Variants in A2ML1 observed in about 807,000 individuals in gnomAD.
The protein encoded by A2ML1 is alpha-2-macroglobulin like 1.
Under a neutral mutation model 181.9 loss-of-function variants are expected in A2ML1, and 161 were observed. That is an observed-to-expected ratio of 0.89 (90% CI 0.78 to 1.01). The LOEUF is 1.01. Ranked by LOEUF, A2ML1 falls within the 50% of genes least tolerant of loss-of-function variation. The pLI is 0.00. For missense variants in A2ML1, 1,670 were observed against 1,768.1 expected (o/e 0.94, Z 1.00); for synonymous variants, 663 against 666.8 (o/e 0.99, Z 0.09).
rs1943552763 is a variant in A2ML1, at chr12:8,843,276, G to A, written c.1391G>A (p.Cys464Tyr). 1.9e-6 allele frequency: 3 copies of A among 1,614,216 alleles called. No homozygotes were observed. Among genetic ancestry groups the A allele is most frequent in the Non-Finnish European group, 1.7e-6 (2 of 1,180,038 alleles). ...CACCGGCTAAACGGCCCCTTGAAAT[G>A]TGGCCAGCCCCAGGAAGTGCTGGTG... ...GIHRLNGPLKCGQPQEVLVDY... is the reference protein window; with the variant it reads ...GIHRLNGPLKYGQPQEVLVDY... The change falls in exon 12 of 36, where the codon TGT becomes TAT. Residue 464 changes from cysteine (C) to tyrosine (Y), a missense_variant. By Grantham distance (194) the Cys-to-Tyr change is radical (BLOSUM62 -2). Coordinates refer to ENST00000299698, the MANE Select transcript of A2ML1 (RefSeq NM_144670.6).
At chr12:8,869,044 A>G in intron 32 of A2ML1, 91 bp from the exon 33 acceptor site, 1 of 1,270,580 alleles carries the variant, frequency 7.9e-7, no homozygotes. Flanking sequence ...CACAGTATAT[A>G]TTGTTTCCTT....
intron 7 of A2ML1, among the ~76,000 whole-genome samples, chr12:8,882,447 C>T (rs1020341859): frequency 6.6e-6 from 1 of 152,136 alleles, no homozygotes; most frequent in Non-Finnish European, 1.5e-5. Context: ...AAATATGTCA[C>T]ATTTGGAGCA....
At chr12:8,868,385 G>T in intron 31 of A2ML1, 28 bp downstream of exon 31, 1 of 1,608,380 alleles carries the variant, frequency 6.2e-7, no homozygotes, top group South Asian at 1.1e-5. Context: ...GCTGGTGGCC[G>T]GCAGAGCACC....
At chr12:8,869,787 A>G (rs1269313527) in intron 33 of A2ML1, among the ~76,000 whole-genome samples, 1 of 152,168 alleles carries the variant, frequency 6.6e-6, no homozygotes, top group Non-Finnish European at 1.5e-5. Flanking sequence ...GTAACTGGAC[A>G]AGCTGTTGAA....
rs138407371 is a variant in A2ML1, at chr12:8,823,442, A to G, written c.246+77A>G. On this transcript the variant is annotated intron_variant, in intron 2 of 35. Transcript: ENST00000299698. ...CCTAGGCTCACTATAATCTACTTTA[A>G]GTATAATTTCTGTTATCTTTTGCCA... is the stretch of plus-strand genomic sequence containing the variant. 413 of 1,453,610 alleles carry G rather than the reference A, an allele frequency of 2.8e-4. No individual in the cohort carries two copies. In the African/African-American group the frequency reaches 5.1e-3, roughly 18 times the overall value. 90.0% of individuals were successfully genotyped at this position (1,453,610 alleles called of 1,614,324 possible).
intron 3 of A2ML1, among the ~76,000 whole-genome samples, chr12:8,825,558 T>G (rs754547303): frequency 1.4e-4 from 21 of 152,206 alleles, no homozygotes; most frequent in Non-Finnish European, 2.9e-4. Context: ...GTCTCTTTGT[T>G]GATTGTTTCC....
chr12:8,861,390 C>T (rs1343752895), intron 28 of A2ML1, 93 bp downstream of exon 28: 2 of 1,387,822 alleles, frequency 1.4e-6, no homozygotes, highest in Non-Finnish European at 2.0e-6. Context: ...CACACATGTA[C>T]TCTAGGATTC....
intron 7 of A2ML1, among the ~76,000 whole-genome samples, chr12:8,882,069 A>G (rs1401007156): frequency 6.6e-6 from 1 of 152,086 alleles, no homozygotes; most frequent in Non-Finnish European, 1.5e-5. Context: ...AGATGTTGAG[A>G]TAGTGGGATA....
chr12:8,883,540 C>T (rs375293237), intron 7 of A2ML1, among the ~76,000 whole-genome samples: 1 of 152,000 alleles, frequency 6.6e-6, no homozygotes, highest in African/African-American at 2.4e-5. Context: ...TGCAATGGCA[C>T]GATCTTGGCT....
chr12:8,838,998 C>A, intron 9 of A2ML1, 115 bp from the exon 10 acceptor site: 3 of 644,684 alleles, frequency 4.7e-6, no homozygotes, highest in Non-Finnish European at 5.1e-6. Context: ...GATCTTTGGC[C>A]AGAAATACAT....
chr12:8,854,694 C>T (rs1052422546), intron 21 of A2ML1, 86 bp from the exon 22 acceptor site: 9 of 1,465,732 alleles, frequency 6.1e-6, no homozygotes, highest in Middle Eastern at 4.0e-4. Flanking sequence ...GGGGGCACAG[C>T]GAGGGGCCTC....
downstream of A2ML1, among the ~76,000 whole-genome samples, chr12:8,881,440 G>A (rs73047859): frequency 0.03 from 4,580 of 152,296 alleles, 95 homozygotes; most frequent in Non-Finnish European, 0.049. Flanking sequence ...ATTTGTTTAC[G>A]CAGATTCAAG....
chr12:8,824,291 A>C (rs2136701290), intron 3 of A2ML1, among the ~76,000 whole-genome samples: 1 of 129,350 alleles, frequency 7.7e-6, no homozygotes, highest in East Asian at 2.3e-4. Flanking sequence ...TCATTCTGAG[A>C]TTTCAAAGTC....
downstream of A2ML1, among the ~76,000 whole-genome samples, chr12:8,878,534 C>CTACATTCAGG: frequency 6.6e-6 from 1 of 152,258 alleles, no homozygotes; most frequent in East Asian, 1.9e-4. The surrounding 1 kb of genome is among the most constrained non-coding windows in gnomAD (Gnocchi z 4.4). Context: ...GAGTTGAAAC[C>CTACATTCAGG]TACATTCAGG....
chr12:8,865,332 G>A (rs1944389389), intron 29 of A2ML1, among the ~76,000 whole-genome samples: 1 of 151,022 alleles, frequency 6.6e-6, no homozygotes, highest in Non-Finnish European at 1.5e-5. Flanking sequence ...CTGAGGTCGG[G>A]AGTTCGAGAC....
intron 22 of A2ML1, 46 bp from the exon 23 acceptor site, chr12:8,855,463 C>T: frequency 6.3e-7 from 1 of 1,586,566 alleles, no homozygotes; most frequent in Non-Finnish European, 8.6e-7. Context: ...GAACCCCTGC[C>T]ATTCCCCATC....
chr12:8,875,174 T>C (rs1439544978), intron 35 of A2ML1, among the ~76,000 whole-genome samples, 162 bp downstream of exon 35: 1 of 151,944 alleles, frequency 6.6e-6, no homozygotes, highest in East Asian at 1.9e-4. Context: ...ACTTCCCAGC[T>C]TCAAGCGATT....
intron 5 of A2ML1, chr12:8,834,914 T>G (rs1270281898): frequency 1.8e-6 from 1 of 558,102 alleles, no homozygotes; most frequent in East Asian, 3.0e-5. Context: ...CTGTAATGAC[T>G]ACACCGCTCT....
chr12:8,883,960 A>G (rs748085032), intron 7 of A2ML1, among the ~76,000 whole-genome samples: 47 of 151,712 alleles, frequency 3.1e-4, no homozygotes, highest in African/African-American at 1.0e-3. Flanking sequence ...TAATTTTTGT[A>G]TGTTTAGTAG....
Sources: gnomAD v4.1 joint callset for allele counts (sites outside exome capture counted in the v4.1 genomes callset) on GRCh38, gnomAD v4.1.1 for gene constraint, Gnocchi (gnomAD v3.1) non-coding constraint, MANE v1.5 for transcripts, NCBI Gene and HGNC (gene_info 2026-07-23, HGNC 2026-07-21) for gene names.